XXYLT1: variants seen among roughly 807,000 people sequenced by gnomAD.
XXYLT1 encodes UDP-xylose:alpha-xyloside alpha-1,3-xylosyltransferase.
XXYLT1 carries 20 observed loss-of-function variants against 28.9 expected under a neutral mutation model. That is an observed-to-expected ratio of 0.69 (90% CI 0.49 to 1.00). The LOEUF (loss-of-function observed/expected upper bound fraction) is 1.00, where lower values mean the gene tolerates loss of function less well. Ranked by LOEUF, XXYLT1 falls within the 50% of genes least tolerant of loss-of-function variation. XXYLT1 has a pLI of 0.00. For missense variants in XXYLT1, 542 were observed against 560.1 expected (o/e 0.97, Z 0.33); for synonymous variants, 257 against 253.8 (o/e 1.01, Z -0.12).
intron 2 of XXYLT1, among the ~76,000 whole-genome samples, chr3:195,177,090 A>G (rs1209456720): frequency 6.6e-6 from 1 of 152,226 alleles, no homozygotes; most frequent in Non-Finnish European, 1.5e-5. Flanking sequence ...TCCCTCCCTC[A>G]GGCTTCTACA....
chr3:195,252,719 C>CAGAGAGAG (rs1484813323), intron 1 of XXYLT1, among the ~76,000 whole-genome samples: 172 of 138,358 alleles, frequency 1.2e-3, no homozygotes, highest in African/African-American at 5.1e-3. Context: ...CACACACACA[C>CAGAGAGAG]ACACACACAG....
intron 2 of XXYLT1, among the ~76,000 whole-genome samples, chr3:195,199,371 GGAGA>G (rs1295356931): frequency 6.6e-6 from 1 of 152,158 alleles, no homozygotes; most frequent in Non-Finnish European, 1.5e-5. Context: ...CAGCACTTTG[GGAGA>G]GTGAGGCAGG....
intron 2 of XXYLT1, among the ~76,000 whole-genome samples, chr3:195,181,534 G>C (rs9870684): frequency 0.066 from 10,088 of 152,268 alleles, 369 homozygotes; most frequent in Middle Eastern, 0.14. Flanking sequence ...AACACTGCTT[G>C]AGTGCTTACT....
intron 1 of XXYLT1, among the ~76,000 whole-genome samples, chr3:195,267,811 A>G (rs1725890409): frequency 6.6e-6 from 1 of 152,230 alleles, no homozygotes; most frequent in African/African-American, 2.4e-5. Context: ...CCAAGGATGG[A>G]GGCAGGGAGA....
chr3:195,267,586 G>A (rs1285879913), intron 1 of XXYLT1, among the ~76,000 whole-genome samples: 3 of 152,216 alleles, frequency 2.0e-5, no homozygotes, highest in Non-Finnish European at 4.4e-5. Flanking sequence ...TCTGTCAGGT[G>A]CTAGGGAGGC....
chr3:195,123,111 G>C (rs1718447923), intron 3 of XXYLT1, among the ~76,000 whole-genome samples: 1 of 152,014 alleles, frequency 6.6e-6, no homozygotes, highest in Non-Finnish European at 1.5e-5. Context: ...ATGACAACCA[G>C]ATCTAATCAG....
rs1717614241 is a variant in XXYLT1 at position 195,110,659 on chromosome 3, GTT to G, written c.786-40550_786-40549del. ...TGTGATGTATAAGTGTGTGTGGTGTGTTGTGTGTGGTGTATGTGTGTGTGTGC... is the reference window on the plus strand; with the variant it reads ...TGTGATGTATAAGTGTGTGTGGTGTGGTGTGTGGTGTATGTGTGTGTGTGC... On this transcript the variant is annotated intron_variant, in intron 3 of 3. Transcript: ENST00000310380. Among the ~76,000 whole-genome samples the G allele has an allele frequency of 2.0e-5, 2 of 99,636 alleles. 1 individual carries two copies. Among genetic ancestry groups the G allele is most frequent in the South Asian group, 6.9e-4 (2 of 2,892 alleles). The allele number at this position is 99,636 out of a possible 152,430, so 65.4% of individuals were successfully genotyped here.
In XXYLT1 at chr3:195,150,065, G is replaced by A. The variant is rs1426236305; in HGVS notation, c.785+6384C>T. On this transcript the variant is annotated intron_variant, in intron 3 of 3. Transcript: ENST00000310380. This position sits in a 1 kb window ranked among gnomAD's most constrained non-coding sequence, Gnocchi z 4.7. ...TCAGCAGCCCCAACCGTACATATAAGGAAACTGAGGCTGAGGTTAAGTGAC... is the reference window on the plus strand; with the variant it reads ...TCAGCAGCCCCAACCGTACATATAAAGAAACTGAGGCTGAGGTTAAGTGAC... Among the ~76,000 whole-genome samples the A allele has an allele frequency of 6.6e-6, 1 of 152,158 alleles. No individual in the cohort carries two copies. The highest frequency in any genetic ancestry group is 1.5e-5 in the Non-Finnish European group (1 of 68,016).
At chr3:195,171,083 A>T (rs1721381511) in intron 2 of XXYLT1, among the ~76,000 whole-genome samples, 1 of 152,190 alleles carries the variant, frequency 6.6e-6, no homozygotes, top group Admixed American at 6.5e-5. Flanking sequence ...GCTACTGCCT[A>T]AAGTGATACA....
At chr3:195,152,909 G>A (rs1174455736) in intron 3 of XXYLT1, 1 of 152,210 alleles carries the variant, frequency 6.6e-6, no homozygotes. Flanking sequence ...ATAGATGCTA[G>A]CATGTTCTTC....
chr3:195,248,701 T>G (rs1241526955), intron 1 of XXYLT1, among the ~76,000 whole-genome samples: 2 of 152,180 alleles, frequency 1.3e-5, no homozygotes, highest in African/African-American at 4.8e-5. Context: ...GTGGATAACC[T>G]GCAGTCAGGA....
intron 1 of XXYLT1, among the ~76,000 whole-genome samples, chr3:195,247,226 G>A (rs778927138): frequency 1.2e-4 from 18 of 152,208 alleles, no homozygotes; most frequent in Middle Eastern, 3.4e-3. Context: ...GAGGGCGAAC[G>A]GCCGTTCCAG....
chr3:195,232,464 A>T (rs1724343424), intron 1 of XXYLT1, among the ~76,000 whole-genome samples: 1 of 151,980 alleles, frequency 6.6e-6, no homozygotes, highest in Admixed American at 6.5e-5. Context: ...TAGTTCTAAG[A>T]CGCATCATTA....
chr3:195,233,605 A>C (rs1425091014), intron 1 of XXYLT1, among the ~76,000 whole-genome samples: 5 of 152,230 alleles, frequency 3.3e-5, no homozygotes, highest in Non-Finnish European at 5.9e-5. Context: ...TGATTACATA[A>C]ACAAACATAC....
At chr3:195,247,674 G>A in intron 1 of XXYLT1, 2 of 597,382 alleles carry the variant, frequency 3.3e-6, no homozygotes, top group Admixed American at 2.4e-5. Flanking sequence ...TCCGACCCCA[G>A]GGCAGGCTCA....
intron 1 of XXYLT1, among the ~76,000 whole-genome samples, chr3:195,251,467 G>A (rs1447397486): frequency 6.6e-6 from 1 of 152,186 alleles, no homozygotes; most frequent in Non-Finnish European, 1.5e-5. Flanking sequence ...GCCCATGAAG[G>A]GAGTGAGGCC....
At chr3:195,157,046 C>T (rs1720634824) in intron 2 of XXYLT1, among the ~76,000 whole-genome samples, 1 of 151,762 alleles carries the variant, frequency 6.6e-6, no homozygotes, top group African/African-American at 2.4e-5. Flanking sequence ...AGTTTGAGAC[C>T]AGCCTGACCA....
At chr3:195,142,975 C>T (rs1016700898) in intron 3 of XXYLT1, among the ~76,000 whole-genome samples, 3 of 152,168 alleles carry the variant, frequency 2.0e-5, no homozygotes, top group African/African-American at 7.2e-5. Flanking sequence ...TATACACATT[C>T]GACCTCTCAG....
At chr3:195,252,454 A>T (rs1259083126) in intron 1 of XXYLT1, among the ~76,000 whole-genome samples, 1 of 152,176 alleles carries the variant, frequency 6.6e-6, no homozygotes, top group Admixed American at 6.5e-5. Flanking sequence ...TAGAATTAAA[A>T]TTTTTTAACA....
Sources: gnomAD v4.1 joint callset for allele counts (sites outside exome capture counted in the v4.1 genomes callset) on GRCh38, gnomAD v4.1.1 for gene constraint, Gnocchi (gnomAD v3.1) non-coding constraint, MANE v1.5 for transcripts, NCBI Gene and HGNC (gene_info 2026-07-23, HGNC 2026-07-21) for gene names.